Variants in CUL4A observed in about 807,000 individuals in gnomAD.
CUL4A encodes the protein cullin-4A.
CUL4A carries 16 observed loss-of-function variants against 95.5 expected under a neutral mutation model. The ratio of observed to expected loss-of-function variants is 0.17; its 90% CI spans 0.11 to 0.25. The LOEUF (loss-of-function observed/expected upper bound fraction) is 0.25. Ranked by LOEUF, CUL4A falls within the 10% of genes least tolerant of loss-of-function variation. The pLI, the probability that CUL4A is intolerant of heterozygous loss-of-function variation, is 1.00. For missense variants in CUL4A, 610 were observed against 937.0 expected (o/e 0.65, Z 4.56); for synonymous variants, 380 against 353.1 (o/e 1.08, Z -0.85).
At chr13:113,225,048 T>C (rs539467900) in intron 3 of CUL4A, among the ~76,000 whole-genome samples, 1 of 152,298 alleles carries the variant, frequency 6.6e-6, no homozygotes, top group South Asian at 2.1e-4. Flanking sequence ...TTTTTTTTTT[T>C]AGTTACAGAT....
chr13:113,211,488 G>A (rs577049428), intron 2 of CUL4A, among the ~76,000 whole-genome samples: 7 of 152,198 alleles, frequency 4.6e-5, no homozygotes, highest in Admixed American at 6.5e-5. Flanking sequence ...AGGTTCAAGC[G>A]ATTCTCCTGC....
chr13:113,260,080 C>G (rs1311842663), intron 18 of CUL4A, among the ~76,000 whole-genome samples: 3 of 149,544 alleles, frequency 2.0e-5, no homozygotes, highest in Admixed American at 6.7e-5. Context: ...GGGGGGGCAC[C>G]GTAGTCCCAG....
At chr13:113,229,733 C>T in intron 5 of CUL4A, 1 of 534,556 alleles carries the variant, frequency 1.9e-6, no homozygotes, top group Non-Finnish European at 3.3e-6. Context: ...GAGCAGGAAG[C>T]TCGGACAGGC....
At chr13:113,228,348 C>T (rs2041183226) in intron 4 of CUL4A, among the ~76,000 whole-genome samples, 2 of 152,172 alleles carry the variant, frequency 1.3e-5, no homozygotes, top group South Asian at 4.1e-4. Context: ...TAGCCTGAAT[C>T]CCAGGTCTTT....
chr13:113,230,490 G>A (rs780842529), intron 5 of CUL4A, among the ~76,000 whole-genome samples: 12 of 152,230 alleles, frequency 7.9e-5, no homozygotes, highest in South Asian at 2.1e-4. Context: ...ACATCTCCTA[G>A]TAGGCATCCA....
At chr13:113,241,200 T>C (rs1356683842) in intron 10 of CUL4A, among the ~76,000 whole-genome samples, 1 of 152,192 alleles carries the variant, frequency 6.6e-6, no homozygotes, top group African/African-American at 2.4e-5. Context: ...TGAGACAGTC[T>C]TCAGGGGATG....
chr13:113,225,856 T>A (rs2041084375), intron 3 of CUL4A, among the ~76,000 whole-genome samples: 1 of 152,214 alleles, frequency 6.6e-6, no homozygotes, highest in South Asian at 2.1e-4. Flanking sequence ...TTTTGAACAA[T>A]TTGTAAAGAG....
intron 19 of CUL4A, among the ~76,000 whole-genome samples, chr13:113,263,266 G>A (rs890867179): frequency 9.9e-5 from 15 of 152,124 alleles, no homozygotes; most frequent in African/African-American, 3.4e-4. Context: ...TCACATGGAC[G>A]CTTTTTTTAT....
intron 3 of CUL4A, among the ~76,000 whole-genome samples, chr13:113,220,898 A>G (rs1176361054): frequency 1.3e-5 from 2 of 152,208 alleles, no homozygotes; most frequent in Admixed American, 1.3e-4. Flanking sequence ...TGCAGTGGCA[A>G]AACTGTGATT....
chr13:113,235,789 T>A (rs946713543), intron 8 of CUL4A, among the ~76,000 whole-genome samples: 5 of 151,810 alleles, frequency 3.3e-5, no homozygotes, highest in Admixed American at 2.6e-4. Flanking sequence ...ACCAACATGG[T>A]GAAACCCCGT....
intron 19 of CUL4A, among the ~76,000 whole-genome samples, chr13:113,261,407 G>A (rs2042271932): frequency 1.3e-5 from 2 of 152,182 alleles, no homozygotes; most frequent in Admixed American, 1.3e-4. Flanking sequence ...TGCAGTTTGA[G>A]CCTCCCATTC....
intron 18 of CUL4A, among the ~76,000 whole-genome samples, chr13:113,256,913 C>CTTTTTTTTTTCTTTTT (rs1566372467): frequency 6.4e-5 from 5 of 77,886 alleles, no homozygotes; most frequent in Non-Finnish European, 9.8e-5. Context: ...TGCTTTGTCC[C>CTTTTTTTTTTCTTTTT]TTTTTTTTTT....
chr13:113,244,968 A>G lies in CUL4A; in HGVS notation c.1353A>G (p.Ala451=), dbSNP rs748284094. 15 of 1,611,606 alleles carry G rather than the reference A, an allele frequency of 9.3e-6. No homozygotes were observed. Among genetic ancestry groups the G allele is most frequent in the Non-Finnish European group, 1.2e-5 (14 of 1,177,602 alleles). Residue 451 remains alanine, a synonymous_variant, in exon 13 of 20, where the codon GCA becomes GCG. Coordinates refer to ENST00000375440, the MANE Select transcript of CUL4A (RefSeq NM_001008895.4). ...AAATAGGTAAAGATGTCTTTGAAGC[A>G]TTTTATAAAAAAGATTTGGCAAAAA... is the stretch of plus-strand genomic sequence containing the variant. ...RFIHGKDVFE[A]FYKKDLAKRL... is the part of the protein sequence containing the mutation.
At chr13:113,215,262 G>T (rs2139088980) in intron 2 of CUL4A, among the ~76,000 whole-genome samples, 2 of 151,468 alleles carry the variant, frequency 1.3e-5, no homozygotes, top group East Asian at 3.9e-4. Context: ...TGACTGTGGA[G>T]GTTGCTGTGT....
At chr13:113,228,414 A>G (rs1375375993) in intron 4 of CUL4A, among the ~76,000 whole-genome samples, 1 of 152,148 alleles carries the variant, frequency 6.6e-6, no homozygotes, top group African/African-American at 2.4e-5. Context: ...CTTTGACTTG[A>G]CGTCATGTAT....
intron 15 of CUL4A, among the ~76,000 whole-genome samples, chr13:113,247,440 T>C (rs963154622): frequency 6.6e-6 from 1 of 152,208 alleles, no homozygotes; most frequent in Non-Finnish European, 1.5e-5. Flanking sequence ...AAGAGTCTTA[T>C]GACTTAACTA....
chr13:113,260,956 G>A (rs1488207856), intron 19 of CUL4A, among the ~76,000 whole-genome samples, 197 bp downstream of exon 19: 2 of 152,126 alleles, frequency 1.3e-5, no homozygotes, highest in Non-Finnish European at 2.9e-5. Context: ...AAATGATAGA[G>A]CCCTAAAACT....
At chr13:113,208,709 T>G, upstream of CUL4A, 1 of 1,522,376 alleles carries the variant, frequency 6.6e-7, no homozygotes, top group South Asian at 1.2e-5. Context: ...CGGCCCTCGG[T>G]CCGTCTGGGT....
chr13:113,261,282 G>A (rs897098854), intron 19 of CUL4A, among the ~76,000 whole-genome samples: 3 of 152,080 alleles, frequency 2.0e-5, no homozygotes, highest in South Asian at 2.1e-4. Flanking sequence ...ATTATGAAAC[G>A]TTTTTTACAT....
Sources: gnomAD v4.1 joint callset for allele counts (sites outside exome capture counted in the v4.1 genomes callset) on GRCh38, gnomAD v4.1.1 for gene constraint, MANE v1.5 for transcripts, NCBI Gene and HGNC (gene_info 2026-07-23, HGNC 2026-07-21) for gene names.